HSP90AA1: variants seen among roughly 807,000 people sequenced by gnomAD.
HSP90AA1 encodes heat shock protein 90 alpha family class A member 1.
HSP90AA1 carries 18 observed loss-of-function variants against 73.3 expected under a neutral mutation model. The observed-to-expected ratio is 0.25, with a 90% CI of 0.17 to 0.36. The LOEUF is 0.36. Ranked by LOEUF, HSP90AA1 falls within the 10% of genes least tolerant of loss-of-function variation. The pLI is 1.00. For synonymous variants in HSP90AA1, 477 were observed against 296.9 expected (o/e 1.61, Z -6.24); for missense variants, 704 against 874.2 (o/e 0.81, Z 2.45).
At chr14:102,089,785 C>T (rs2049329052), upstream of HSP90AA1, among the ~76,000 whole-genome samples, 1 of 152,176 alleles carries the variant, frequency 6.6e-6, no homozygotes, top group Non-Finnish European at 1.5e-5. Flanking sequence ...CACAACGGAT[C>T]TGGCACTGAG....
chr14:102,139,396 CG>C lies in HSP90AA1; in HGVS notation c.8del (p.Pro3ArgfsTer48). 1.9e-6 allele frequency: 3 copies of C among 1,566,826 alleles called. No individual in the cohort carries two copies. Among genetic ancestry groups the C allele is most frequent in the Non-Finnish European group, 2.6e-6 (3 of 1,155,770 alleles). ...GGGTGGAGCCGTCCCCGCCCGAACACGGGGGCATCCGCGCTCCCCGTAGGGT... is the reference window on the plus strand; with the variant it reads ...GGGTGGAGCCGTCCCCGCCCGAACACGGGGCATCCGCGCTCCCCGTAGGGT... On this transcript the variant is annotated frameshift_variant, in exon 1 of 12. Transcript: ENST00000334701. LOFTEE classifies it high-confidence loss of function.
Position 102,084,531 on chromosome 14 carries a change from C to T in HSP90AA1, c.1015G>A (p.Ala339Thr). The T allele has an allele frequency of 6.2e-7, 1 of 1,614,178 alleles. No individual in the cohort carries two copies. Among genetic ancestry groups the T allele is most frequent in the Non-Finnish European group, 8.5e-7 (1 of 1,180,024 alleles). Residue 339 changes from alanine to threonine, a missense_variant, in exon 6 of 11, where the codon GCC becomes ACC. Coordinates refer to ENST00000216281, the MANE Select transcript of HSP90AA1 (RefSeq NM_005348.4). Reference sequence around the variant, plus strand: ...GCACGTCGTGGGACAAATAGAAGGGCTCTGAATTCCAACTGTCCTTCAACT... The same window carrying T: ...GCACGTCGTGGGACAAATAGAAGGGTTCTGAATTCCAACTGTCCTTCAACT... ...FSVEGQLEFR[A>T]LLFVPRRAPF...
intron 1 of HSP90AA1, among the ~76,000 whole-genome samples, chr14:102,124,964 G>C (rs1481341095): frequency 6.6e-6 from 1 of 152,012 alleles, no homozygotes; most frequent in Non-Finnish European, 1.5e-5. Context: ...ATGGTAAAAA[G>C]AAAAATCATT....
chr14:102,101,234 C>T (rs1321603773), intron 2 of HSP90AA1, among the ~76,000 whole-genome samples: 1 of 152,192 alleles, frequency 6.6e-6, no homozygotes, highest in African/African-American at 2.4e-5. Context: ...AGAAGGAACA[C>T]AGATGAATGC....
At chr14:102,129,946 A>G (rs956917402) in intron 1 of HSP90AA1, among the ~76,000 whole-genome samples, 7 of 151,900 alleles carry the variant, frequency 4.6e-5, no homozygotes, top group African/African-American at 7.3e-5. Flanking sequence ...ACATTCACGT[A>G]TAAGTTTTTG....
intron 2 of HSP90AA1, among the ~76,000 whole-genome samples, chr14:102,101,524 G>A (rs951969187): frequency 6.6e-6 from 1 of 152,216 alleles, no homozygotes; most frequent in South Asian, 2.1e-4. Context: ...TGTCCTCCGT[G>A]AGTGGGTGCT....
chr14:102,139,645 G>C (rs1000366122), exon 1 of HSP90AA1: 6 of 642,746 alleles, frequency 9.3e-6, no homozygotes, highest in Non-Finnish European at 1.6e-5. Flanking sequence ...GCTGAAGCCG[G>C]CATCACCTGG....
intron 1 of HSP90AA1, among the ~76,000 whole-genome samples, chr14:102,134,429 C>A (rs1199225967): frequency 6.6e-6 from 1 of 151,506 alleles, no homozygotes; most frequent in Non-Finnish European, 1.5e-5. Context: ...TGTATCGTGT[C>A]AGGAATTGGT....
At chr14:102,089,473 C>T (rs1595663021), upstream of HSP90AA1, among the ~76,000 whole-genome samples, 1 of 152,208 alleles carries the variant, frequency 6.6e-6, no homozygotes, top group Non-Finnish European at 1.5e-5. Flanking sequence ...GGTGCGAACT[C>T]TGTAATGGTT....
chr14:102,088,649 C>T (rs898792426), upstream of HSP90AA1, among the ~76,000 whole-genome samples: 6 of 152,172 alleles, frequency 3.9e-5, no homozygotes, highest in Non-Finnish European at 7.4e-5. Flanking sequence ...CCGGCCCAGG[C>T]TTTCCTACAG....
upstream of HSP90AA1, among the ~76,000 whole-genome samples, chr14:102,087,882 G>C (rs895443207): frequency 2.6e-5 from 4 of 151,604 alleles, no homozygotes; most frequent in African/African-American, 9.7e-5. Flanking sequence ...CCGATTTGCG[G>C]TCTCCAAATT....
At chr14:102,096,592 C>T (rs1398005034) in intron 2 of HSP90AA1, among the ~76,000 whole-genome samples, 1 of 152,218 alleles carries the variant, frequency 6.6e-6, no homozygotes, top group African/African-American at 2.4e-5. Flanking sequence ...ATGCCTCCTC[C>T]ACAGCTCTTA....
chr14:102,083,363 C>CT (rs2152610484), intron 8 of HSP90AA1, 61 bp from the exon 9 acceptor site: 15 of 1,578,976 alleles, frequency 9.5e-6, no homozygotes, highest in East Asian at 4.5e-5. Context: ...TCATCTAGCT[C>CT]TGACTTTTCT....
chr14:102,085,424 A>C lies in HSP90AA1; in HGVS notation c.537T>G (p.Pro179=). Residue 179 remains proline (P), a synonymous_variant, in exon 4 of 11, where the codon CCT becomes CCG. Transcript: ENST00000216281. ...SFTVRTDTGE[P]MGRGTKVILH... ...GGATAACTTTTGTTCCACGACCCAT[A>C]GGTTCACCTGCAAGAGAAGAAAGAA... 1 of 1,610,336 alleles carries C rather than the reference A, an allele frequency of 6.2e-7. No individual in the cohort carries two copies. The highest frequency in any genetic ancestry group is 1.7e-5 in the Admixed American group (1 of 59,412).
intron 1 of HSP90AA1, among the ~76,000 whole-genome samples, chr14:102,137,539 G>A (rs1361720492): frequency 2.0e-5 from 3 of 151,430 alleles, no homozygotes; most frequent in African/African-American, 7.3e-5. Flanking sequence ...TTGGCCAGGC[G>A]GTCTCAAACT....
intron 10 of HSP90AA1, 58 bp from the exon 11 acceptor site, chr14:102,081,879 T>C (rs2049108066): frequency 4.6e-6 from 4 of 876,334 alleles, no homozygotes; most frequent in Admixed American, 1.7e-5. Flanking sequence ...GCTATTAGGG[T>C]AATACTCTTG....
chr14:102,081,866 C>T (rs746703036), intron 10 of HSP90AA1, 45 bp from the exon 11 acceptor site: 8 of 951,862 alleles, frequency 8.4e-6, no homozygotes, highest in Admixed American at 1.7e-5. Context: ...TTTCTTAAAG[C>T]CAGCTATTAG....
At chr14:102,082,632 T>C in intron 9 of HSP90AA1, 188 bp from the exon 10 acceptor site, 1 of 618,562 alleles carries the variant, frequency 1.6e-6, no homozygotes, top group Non-Finnish European at 2.8e-6. Context: ...TGCACAATTT[T>C]TTTTTTGAGA....
upstream of HSP90AA1, among the ~76,000 whole-genome samples, chr14:102,088,810 G>T (rs1297245490): frequency 1.3e-5 from 2 of 152,174 alleles, no homozygotes; most frequent in Non-Finnish European, 2.9e-5. Flanking sequence ...CTCACTTGTA[G>T]GAACTTTTCC....
Sources: gnomAD v4.1 joint callset for allele counts (sites outside exome capture counted in the v4.1 genomes callset) on GRCh38, gnomAD v4.1.1 for gene constraint, MANE v1.5 for transcripts, NCBI Gene and HGNC (gene_info 2026-07-23, HGNC 2026-07-21) for gene names.